ALK: variants seen among roughly 807,000 people sequenced by gnomAD.
ALK encodes the protein ALK tyrosine kinase receptor.
A neutral mutation model predicts 163.1 loss-of-function variants in ALK; 74 were observed. That is an observed-to-expected ratio of 0.45 (90% confidence interval 0.38 to 0.55). ALK has a LOEUF of 0.55. Among genes scored for constraint, ALK ranks in the 20% least tolerant of loss-of-function variants. The probability of loss-of-function intolerance (pLI) is 0.00; values close to 1 mark genes in which losing one functional copy is unlikely to be tolerated. For missense variants in ALK, 2,063 were observed against 2,105.3 expected (o/e 0.98, Z 0.39); for synonymous variants, 960 against 843.2 (o/e 1.14, Z -2.40).
chr2:29,326,828 G>C (rs1410512873), intron 6 of ALK, among the ~76,000 whole-genome samples: 1 of 152,190 alleles, frequency 6.6e-6, no homozygotes, highest in African/African-American at 2.4e-5. Context: ...GGGGGCAGAG[G>C]GCCCTGTTTT....
chr2:29,594,313 T>C (rs545902517), intron 3 of ALK, among the ~76,000 whole-genome samples: 4 of 152,136 alleles, frequency 2.6e-5, no homozygotes, highest in Non-Finnish European at 5.9e-5. Flanking sequence ...GTGTGAGCTG[T>C]GTATCTCTTC....
At chr2:29,636,805 A>G (rs528880504) in intron 3 of ALK, among the ~76,000 whole-genome samples, 15 of 152,350 alleles carry the variant, frequency 9.8e-5, no homozygotes, top group Non-Finnish European at 1.5e-4. Flanking sequence ...ATTGTATCAA[A>G]AAGGATAAAC....
At chr2:29,507,165 T>G (rs931112507) in intron 4 of ALK, among the ~76,000 whole-genome samples, 41 of 152,184 alleles carry the variant, frequency 2.7e-4, no homozygotes, top group Admixed American at 2.7e-3. Flanking sequence ...AAATGTGGTA[T>G]ATACATACAA....
intron 5 of ALK, among the ~76,000 whole-genome samples, chr2:29,340,172 C>G (rs1039722226): frequency 2.0e-5 from 3 of 152,224 alleles, no homozygotes; most frequent in Non-Finnish European, 4.4e-5. Flanking sequence ...AACCATTCTG[C>G]ACCATACCTC....
intron 3 of ALK, among the ~76,000 whole-genome samples, chr2:29,685,844 C>A (rs1470986275): frequency 6.6e-6 from 1 of 152,182 alleles, no homozygotes; most frequent in African/African-American, 2.4e-5. Context: ...TGGGTAGAAT[C>A]CTTGTCCTCT....
At chr2:29,864,386 C>A (rs192213246) in intron 1 of ALK, among the ~76,000 whole-genome samples, 1 of 152,212 alleles carries the variant, frequency 6.6e-6, no homozygotes, top group Non-Finnish European at 1.5e-5. Flanking sequence ...GTACTCCTGG[C>A]CTTCCTAAGT....
chr2:29,450,170 C>T (rs1670786377), intron 4 of ALK, among the ~76,000 whole-genome samples: 2 of 152,194 alleles, frequency 1.3e-5, no homozygotes, highest in African/African-American at 2.4e-5. Context: ...CCTACCTTCT[C>T]TGAGCCCATG....
chr2:29,194,788 G>A (rs887897691), intron 28 of ALK, among the ~76,000 whole-genome samples: 1 of 152,046 alleles, frequency 6.6e-6, no homozygotes, highest in African/African-American at 2.4e-5. Context: ...AGAGTGCTGG[G>A]ATTACAGGCA....
chr2:29,235,549 G>C (rs1395003826), intron 13 of ALK, among the ~76,000 whole-genome samples: 1 of 152,096 alleles, frequency 6.6e-6, no homozygotes, highest in Non-Finnish European at 1.5e-5. Flanking sequence ...TCCTGGCCTG[G>C]GGGGAGACTC....
At chr2:29,309,733 G>T (rs1217209640) in intron 8 of ALK, among the ~76,000 whole-genome samples, 2 of 151,740 alleles carry the variant, frequency 1.3e-5, no homozygotes, top group Admixed American at 1.3e-4. Flanking sequence ...TTGCAACCGT[G>T]GGGGGTGGGG....
intron 5 of ALK, among the ~76,000 whole-genome samples, chr2:29,367,004 C>T (rs188844974): frequency 6.6e-6 from 1 of 152,282 alleles, no homozygotes; most frequent in East Asian, 1.9e-4. Context: ...CGTCATTACT[C>T]TCTTTTCAAA....
intron 3 of ALK, among the ~76,000 whole-genome samples, chr2:29,558,183 C>G (rs905974276): frequency 6.6e-6 from 1 of 152,220 alleles, no homozygotes; most frequent in Non-Finnish European, 1.5e-5. Context: ...TGCAAACATA[C>G]TTGTTTGTTT....
chr2:29,217,122 CGTGTGTGGT>C (rs1467531575), intron 23 of ALK, among the ~76,000 whole-genome samples: 2 of 25,756 alleles, frequency 7.8e-5, no homozygotes, highest in Non-Finnish European at 1.5e-4. Context: ...GGGGGGGGGG[CGTGTGTGGT>C]GTGTGTGTGT....
chr2:29,647,274 T>C (rs541384877), intron 3 of ALK, among the ~76,000 whole-genome samples: 144 of 152,310 alleles, frequency 9.5e-4, no homozygotes, highest in African/African-American at 3.3e-3. Context: ...GCTATACTTA[T>C]AGTTCAGATG....
At chr2:29,243,177 G>C (rs1362408350) in intron 12 of ALK, among the ~76,000 whole-genome samples, 2 of 152,194 alleles carry the variant, frequency 1.3e-5, no homozygotes, top group Non-Finnish European at 2.9e-5. Flanking sequence ...CCAGGAGTAG[G>C]TTGAGCCCGG....
At chr2:29,649,222 G>GAGAGAC (rs1676970717) in intron 3 of ALK, among the ~76,000 whole-genome samples, 1 of 150,554 alleles carries the variant, frequency 6.6e-6, no homozygotes, top group Admixed American at 6.6e-5. Flanking sequence ...GTATGTGAGA[G>GAGAGAC]AGAGAGAGAG....
chr2:29,421,545 G>T (rs1174496757), intron 4 of ALK, among the ~76,000 whole-genome samples: 1 of 151,486 alleles, frequency 6.6e-6, no homozygotes, highest in Non-Finnish European at 1.5e-5. Flanking sequence ...TCCTTTAAAA[G>T]CACAGGCACG....
intron 1 of ALK, among the ~76,000 whole-genome samples, chr2:29,759,227 T>C (rs111234509): frequency 0.015 from 2,262 of 152,324 alleles, 51 homozygotes; most frequent in African/African-American, 0.05. Flanking sequence ...ATTCATCATC[T>C]TTCACCTAAC....
intron 1 of ALK, among the ~76,000 whole-genome samples, chr2:29,817,300 G>C (rs12993746): frequency 0.25 from 37,491 of 152,026 alleles, 5,376 homozygotes; most frequent in African/African-American, 0.4. Context: ...AACTGGATAG[G>C]TCAGCTTTCA....
Sources: gnomAD v4.1 joint callset for allele counts (sites outside exome capture counted in the v4.1 genomes callset) on GRCh38, gnomAD v4.1.1 for gene constraint, MANE v1.5 for transcripts, NCBI Gene and HGNC (gene_info 2026-07-23, HGNC 2026-07-21) for gene names.